The following EPHA3 variants were observed in gnomAD, a reference collection of about 807,000 sequenced individuals.
EPHA3 encodes the protein ephrin type-A receptor 3.
A neutral mutation model predicts 107.1 loss-of-function variants in EPHA3; 42 were observed. The ratio of observed to expected loss-of-function variants is 0.39; its 90% CI spans 0.31 to 0.51. The LOEUF (loss-of-function observed/expected upper bound fraction) is 0.51, where lower values mean the gene tolerates loss of function less well. EPHA3 is among the 20% of genes least tolerant of loss of function. The probability of loss-of-function intolerance (pLI) is 0.78; values close to 1 mark genes in which losing one functional copy is unlikely to be tolerated. For missense variants in EPHA3, 1,183 were observed against 1,211.2 expected, an observed-to-expected ratio of 0.98 and a Z score of 0.35; for synonymous variants, 461 against 424.8, an observed-to-expected ratio of 1.09 and a Z score of -1.05.
chr3:89,195,023 A>G (rs1373910224), intron 2 of EPHA3, among the ~76,000 whole-genome samples: 3 of 151,654 alleles, frequency 2.0e-5, no homozygotes, highest in Non-Finnish European at 4.4e-5. Context: ...CCGACATTTC[A>G]TTTTTCTTGT....
At chr3:89,256,967 A>T (rs1199233403) in intron 3 of EPHA3, among the ~76,000 whole-genome samples, 5 of 152,186 alleles carry the variant, frequency 3.3e-5, no homozygotes, top group Non-Finnish European at 7.3e-5. Flanking sequence ...TTTTTTGCTG[A>T]TACAGATTGT....
In EPHA3 at chr3:89,368,494, G is replaced by A. The variant is rs891275202; in HGVS notation, c.1306+26404G>A. 1.0e-4 allele frequency among the ~76,000 whole-genome samples: 15 copies of A among 150,464 alleles called. 1 individual carries two copies. Among genetic ancestry groups the A allele is most frequent in the Non-Finnish European group, 3.0e-5 (2 of 67,140 alleles). On this transcript the variant is annotated intron_variant, in intron 5 of 16. Coordinates refer to ENST00000336596, the MANE Select transcript of EPHA3 (RefSeq NM_005233.6). ...AAAAGACTGATACAATTCAGTCTGA[G>A]GCCAAAGGCTTATGAACCAGGGGAG... is the stretch of plus-strand genomic sequence containing the variant.
At chr3:89,308,865 G>A (rs1372073602) in intron 3 of EPHA3, among the ~76,000 whole-genome samples, 1 of 152,066 alleles carries the variant, frequency 6.6e-6, no homozygotes, top group Non-Finnish European at 1.5e-5. Context: ...ATATAAAATG[G>A]ATTAGATGAC....
intron 2 of EPHA3, among the ~76,000 whole-genome samples, chr3:89,201,533 G>C (rs185862838): frequency 6.6e-6 from 1 of 152,176 alleles, no homozygotes; most frequent in Non-Finnish European, 1.5e-5. Flanking sequence ...TACACAGTGG[G>C]AGGAGGTGCT....
At chr3:89,201,490 C>T (rs1172315003) in intron 2 of EPHA3, among the ~76,000 whole-genome samples, 4 of 152,102 alleles carry the variant, frequency 2.6e-5, no homozygotes, top group African/African-American at 4.8e-5. Context: ...TAAGGCACTC[C>T]ACAAGCCACC....
chr3:89,308,096 C>T (rs190141368), intron 3 of EPHA3, among the ~76,000 whole-genome samples: 5 of 151,966 alleles, frequency 3.3e-5, no homozygotes, highest in Non-Finnish European at 7.4e-5. Flanking sequence ...AATTAAGCAA[C>T]CATTAAGTAA....
intron 3 of EPHA3, among the ~76,000 whole-genome samples, chr3:89,225,879 C>T (rs1206508559): frequency 3.9e-5 from 6 of 152,202 alleles, no homozygotes; most frequent in South Asian, 2.1e-4. Context: ...AACATACACA[C>T]GTGTTCAAGT....
intron 5 of EPHA3, among the ~76,000 whole-genome samples, chr3:89,387,164 G>C (rs1158094346): frequency 6.6e-6 from 1 of 152,132 alleles, no homozygotes; most frequent in Non-Finnish European, 1.5e-5. Flanking sequence ...GATTTGGGAG[G>C]TGTCAGGGGT....
At chr3:89,197,803 C>T (rs1306001350) in intron 2 of EPHA3, among the ~76,000 whole-genome samples, 1 of 151,944 alleles carries the variant, frequency 6.6e-6, no homozygotes, top group African/African-American at 2.4e-5. Flanking sequence ...TGGTGAAACC[C>T]TCTTTCTACC....
intron 3 of EPHA3, among the ~76,000 whole-genome samples, chr3:89,326,978 T>A (rs961490290): frequency 8.5e-5 from 13 of 152,110 alleles, no homozygotes; most frequent in African/African-American, 3.1e-4. Flanking sequence ...GGAGAATTGC[T>A]GTGGAGAGAT....
At chr3:89,392,539 C>T (rs1708766264) in intron 5 of EPHA3, among the ~76,000 whole-genome samples, 1 of 151,536 alleles carries the variant, frequency 6.6e-6, no homozygotes, top group South Asian at 2.1e-4. Flanking sequence ...TCTCTTCCTT[C>T]TTAATTTTGC....
chr3:89,281,222 A>C (rs1421793359), intron 3 of EPHA3, among the ~76,000 whole-genome samples: 1 of 152,144 alleles, frequency 6.6e-6, no homozygotes, highest in African/African-American at 2.4e-5. Context: ...GACGGGTTTC[A>C]CTGTGTTGCC....
At chr3:89,207,256 T>G (rs1706126535) in intron 2 of EPHA3, among the ~76,000 whole-genome samples, 1 of 152,190 alleles carries the variant, frequency 6.6e-6, no homozygotes, top group South Asian at 2.1e-4. Context: ...TTTTATTTTA[T>G]TTTGTGATTA....
intron 15 of EPHA3, among the ~76,000 whole-genome samples, chr3:89,450,677 T>G (rs2107555970): frequency 6.6e-6 from 1 of 152,174 alleles, no homozygotes; most frequent in Admixed American, 6.5e-5. Context: ...TCCAAGCACT[T>G]TGGTGGATCA....
Position 89,479,672 on chromosome 3 carries a change from C to T in EPHA3, c.*170C>T. 1 of 539,510 alleles carries T rather than the reference C, an allele frequency of 1.9e-6. No homozygotes were observed. Among genetic ancestry groups the T allele is most frequent in the Non-Finnish European group, 3.3e-6 (1 of 302,820 alleles). The allele number at this position is 539,510 out of a possible 1,614,324, so 33.4% of individuals were successfully genotyped here. A position where few individuals can be genotyped will look rare whatever the true frequency, so the allele number is the denominator to read the frequency against. ...TGGAATTGAAAAACTCTTTATTTTC[C>T]CCTATCATTTATTGGATGGGTGGGT... On this transcript the variant is annotated 3_prime_UTR_variant, in exon 17 of 17. Coordinates refer to ENST00000336596, the MANE Select transcript of EPHA3 (RefSeq NM_005233.6).
chr3:89,150,735 A>G (rs757191667), intron 2 of EPHA3, among the ~76,000 whole-genome samples: 1 of 152,112 alleles, frequency 6.6e-6, no homozygotes, highest in Non-Finnish European at 1.5e-5. Context: ...CACCAAAATG[A>G]CGGACTGTTT....
intron 2 of EPHA3, among the ~76,000 whole-genome samples, chr3:89,175,651 A>G (rs1311990507): frequency 6.6e-6 from 1 of 152,148 alleles, no homozygotes; most frequent in African/African-American, 2.4e-5. Flanking sequence ...AAAAACTAAT[A>G]TTATTAAATA....
chr3:89,209,879 T>C lies in EPHA3; in HGVS notation c.173T>C (p.Val58Ala), dbSNP rs1359245420. Residue 58 changes from valine to alanine, a missense_variant, in exon 3 of 17, where the codon GTG (valine) becomes GCG (alanine). By Grantham distance (64) the Val-to-Ala change is moderately conservative (BLOSUM62 0). Coordinates refer to ENST00000336596, the MANE Select transcript of EPHA3 (RefSeq NM_005233.6). ...PSHGWEEISG[V>A]DEHYTPIRTY... ...CTTCAGTGGGAAGAGATCAGTGGTG[T>C]GGATGAACATTACACACCCATCAGG... is the stretch of plus-strand genomic sequence containing the variant. The C allele has an allele frequency of 1.2e-6, 2 of 1,605,412 alleles. No homozygotes were observed. The highest frequency in any genetic ancestry group is 1.7e-6 in the Non-Finnish European group (2 of 1,175,300).
At chr3:89,246,803 TC>T (rs1384831418) in intron 3 of EPHA3, among the ~76,000 whole-genome samples, 4 of 152,074 alleles carry the variant, frequency 2.6e-5, no homozygotes, top group African/African-American at 7.2e-5. Context: ...ATTATTTAAA[TC>T]TTTTTTTTTA....
Sources: allele counts gnomAD v4.1 joint callset (sites outside exome capture counted in the v4.1 genomes callset), GRCh38; gene constraint gnomAD v4.1.1; transcripts MANE v1.5; gene names NCBI Gene and HGNC (gene_info 2026-07-23, HGNC 2026-07-21).